The following HMG20A variants were observed in gnomAD, a reference collection of about 807,000 sequenced individuals.
The protein encoded by HMG20A is high mobility group protein 20A.
In HMG20A, 17 loss-of-function variants were observed where a neutral mutation model predicts 43.9. The ratio of observed to expected loss-of-function variants is 0.39; its 90% CI spans 0.27 to 0.58. HMG20A has a LOEUF of 0.58. Among genes scored for constraint, HMG20A ranks in the 20% least tolerant of loss-of-function variants. The probability of loss-of-function intolerance (pLI) is 0.59; values close to 1 mark genes in which losing one functional copy is unlikely to be tolerated. For synonymous variants in HMG20A, 132 were observed against 147.5 expected (o/e 0.89, Z 0.76); for missense variants, 341 against 438.2 (o/e 0.78, Z 1.98).
At chr15:77,426,518 A>T (rs1044458798) in intron 1 of HMG20A, among the ~76,000 whole-genome samples, 2 of 152,150 alleles carry the variant, frequency 1.3e-5, no homozygotes, top group African/African-American at 4.8e-5. Context: ...AAAGGTATTC[A>T]TCCTTGTCAT....
intron 4 of HMG20A, among the ~76,000 whole-genome samples, chr15:77,469,659 G>A (rs772343273): frequency 1.6e-5 from 2 of 127,626 alleles, no homozygotes; most frequent in African/African-American, 5.3e-5. Flanking sequence ...TTATTTATTT[G>A]TTTGTTTGTT....
chr15:77,421,198 G>A, intron 1 of HMG20A, 194 bp downstream of exon 1: 1 of 332,960 alleles, frequency 3.0e-6, no homozygotes, highest in East Asian at 4.4e-5. Flanking sequence ...ACTTCCTGTG[G>A]GGGGGTGGTG....
chr15:77,495,379 C>T, the HMG20A span, among the ~76,000 whole-genome samples: 2 of 152,096 alleles, frequency 1.3e-5, no homozygotes, highest in Admixed American at 1.3e-4. Context: ...GAAATCCTGT[C>T]TCTACTAAAA....
chr15:77,466,543 G>A (rs1343154708), intron 3 of HMG20A, among the ~76,000 whole-genome samples: 7 of 152,182 alleles, frequency 4.6e-5, no homozygotes, highest in African/African-American at 4.8e-5. Context: ...TCTGCTATGG[G>A]AAATAAGCTA....
chr15:77,455,814 G>A (rs929407682), intron 1 of HMG20A, among the ~76,000 whole-genome samples: 12 of 152,166 alleles, frequency 7.9e-5, no homozygotes, highest in African/African-American at 2.2e-4. Context: ...CTTGGTAGCC[G>A]TGATTCCTTT....
the HMG20A span, among the ~76,000 whole-genome samples, chr15:77,512,069 TACTC>T: frequency 6.6e-6 from 1 of 152,236 alleles, no homozygotes; most frequent in Admixed American, 6.5e-5. Context: ...TGTGGAATAT[TACTC>T]AGTCTTAAAC....
chr15:77,463,704 T>G (rs1366232804), intron 2 of HMG20A, among the ~76,000 whole-genome samples: 2 of 152,340 alleles, frequency 1.3e-5, no homozygotes, highest in Admixed American at 6.5e-5. Flanking sequence ...CTGAACTTAC[T>G]TAACTTGATA....
chr15:77,447,933 G>A (rs1468052914), intron 1 of HMG20A: 1 of 152,200 alleles, frequency 6.6e-6, no homozygotes, highest in Admixed American at 6.5e-5. Context: ...TTTGCAAATA[G>A]TATATTGTTA....
At chr15:77,506,415 G>A in the HMG20A span, among the ~76,000 whole-genome samples, 2 of 152,104 alleles carry the variant, frequency 1.3e-5, no homozygotes, top group Non-Finnish European at 2.9e-5. Flanking sequence ...TGCCTGCTCC[G>A]GAGGCAGTGC....
In HMG20A at chr15:77,470,921, T is replaced by C. The variant is rs142731606; in HGVS notation, c.462T>C (p.Asp154=). The stretch of plus-strand genomic sequence containing the variant: ...TATTTCTTTCCTAGCGCTACCTTGA[T>C]GAAGCAGACAGAGATAAGGAGCGTT... The part of the protein sequence containing the change: ...LPPEEKQRYL[D]EADRDKERYM... Residue 154 remains aspartate (D), a synonymous_variant, in exon 5 of 10, where the codon GAT becomes GAC. Coordinates refer to ENST00000336216, the MANE Select transcript of HMG20A (RefSeq NM_001304504.2). The C allele has an allele frequency of 7.9e-5, 125 of 1,588,326 alleles. No individual in the cohort carries two copies. The African/African-American group carries it at 1.4e-3, about 18-fold the overall frequency.
intron 6 of HMG20A, 74 bp downstream of exon 6, chr15:77,471,888 T>C (rs2072812632): frequency 2.6e-6 from 2 of 784,124 alleles, no homozygotes; most frequent in Non-Finnish European, 4.1e-6. Flanking sequence ...CTATTGGATT[T>C]TTTTTTTTTT....
chr15:77,487,378 A>G (rs776990590), downstream of HMG20A, among the ~76,000 whole-genome samples: 15 of 151,916 alleles, frequency 9.9e-5, no homozygotes, highest in Non-Finnish European at 8.8e-5. Context: ...TCTAAGCCCA[A>G]CCCCGCCATG....
the HMG20A span, among the ~76,000 whole-genome samples, chr15:77,506,843 G>A: frequency 6.6e-5 from 10 of 152,242 alleles, no homozygotes; most frequent in Non-Finnish European, 1.3e-4. Flanking sequence ...CCTTATGCCA[G>A]TGGGGATGTG....
intron 3 of HMG20A, among the ~76,000 whole-genome samples, chr15:77,465,413 T>G (rs1294903756): frequency 2.0e-5 from 3 of 151,064 alleles, no homozygotes; most frequent in Non-Finnish European, 4.4e-5. Context: ...TTTTTTTTTT[T>G]GAGGTGGAGT....
chr15:77,496,664 T>C, the HMG20A span, among the ~76,000 whole-genome samples: 2 of 152,208 alleles, frequency 1.3e-5, no homozygotes, highest in Non-Finnish European at 2.9e-5. Context: ...TCCCGTTTAC[T>C]TTTTCCCCCT....
At chr15:77,441,450 T>G (rs964195719) in intron 1 of HMG20A, among the ~76,000 whole-genome samples, 1 of 152,208 alleles carries the variant, frequency 6.6e-6, no homozygotes. Flanking sequence ...TTAAATATAC[T>G]GTTTCTCAGT....
At chr15:77,482,859 G>A (rs1158981856) in intron 9 of HMG20A, 111 bp from the exon 10 acceptor site, 2 of 152,036 alleles carry the variant, frequency 1.3e-5, no homozygotes, top group South Asian at 2.1e-4. Context: ...TGAAACCAAA[G>A]CATTTTTAAA....
At chr15:77,431,090 C>T (rs1009036112) in intron 1 of HMG20A, among the ~76,000 whole-genome samples, 51 of 152,226 alleles carry the variant, frequency 3.4e-4, no homozygotes, top group Non-Finnish European at 7.5e-4. Context: ...ACATAATCTT[C>T]AAAGGAACAA....
chr15:77,461,798 A>T (rs1409291791), intron 2 of HMG20A, among the ~76,000 whole-genome samples: 1 of 152,200 alleles, frequency 6.6e-6, no homozygotes, highest in East Asian at 1.9e-4. Context: ...ATTTACAAGA[A>T]TTAGTAACTT....
Sources: allele counts gnomAD v4.1 joint callset (sites outside exome capture counted in the v4.1 genomes callset), GRCh38; gene constraint gnomAD v4.1.1; transcripts MANE v1.5; gene names NCBI Gene and HGNC (gene_info 2026-07-23, HGNC 2026-07-21).